The following EXT2 variants were observed in gnomAD, a reference collection of about 807,000 sequenced individuals.
EXT2 encodes the protein exostosin-2.
EXT2 carries 53 observed loss-of-function variants against 81.6 expected under a neutral mutation model. That is an observed-to-expected ratio of 0.65 (90% CI 0.52 to 0.82). EXT2 has a LOEUF of 0.82. EXT2 is among the 40% of genes least tolerant of loss of function. The pLI, the probability that EXT2 is intolerant of heterozygous loss-of-function variation, is 0.00. For missense variants in EXT2, 774 were observed against 910.2 expected (o/e 0.85, Z 1.93); for synonymous variants, 320 against 340.0 (o/e 0.94, Z 0.65).
At chr11:44,157,081 A>G (rs971363683) in intron 7 of EXT2, among the ~76,000 whole-genome samples, 6 of 152,148 alleles carry the variant, frequency 3.9e-5, no homozygotes, top group Admixed American at 3.9e-4. Context: ...TCCCTAACAA[A>G]TGGAGTCTCT....
At chr11:44,214,215 G>A (rs1296139199) in intron 10 of EXT2, among the ~76,000 whole-genome samples, 1 of 152,062 alleles carries the variant, frequency 6.6e-6, no homozygotes, top group African/African-American at 2.4e-5. Context: ...CCGGGTTCAC[G>A]CCATTCTTCT....
intron 7 of EXT2, among the ~76,000 whole-genome samples, chr11:44,149,929 C>T (rs921053398): frequency 6.6e-6 from 1 of 152,090 alleles, no homozygotes; most frequent in Non-Finnish European, 1.5e-5. Context: ...TTAGAACTCC[C>T]CAAAATTAAA....
chr11:44,192,826 A>C (rs534957799), intron 8 of EXT2, among the ~76,000 whole-genome samples: 1 of 152,326 alleles, frequency 6.6e-6, no homozygotes, highest in East Asian at 1.9e-4. Context: ...TCTTCAGAAC[A>C]CAGCACAGTA....
At chr11:44,217,046 C>G (rs1476407118) in intron 10 of EXT2, among the ~76,000 whole-genome samples, 1 of 149,380 alleles carries the variant, frequency 6.7e-6, no homozygotes, top group East Asian at 2.0e-4. Context: ...TGAGGATTAG[C>G]TCTTTACATG....
intron 1 of EXT2, among the ~76,000 whole-genome samples, chr11:44,099,089 CCT>C: frequency 6.6e-6 from 1 of 152,280 alleles, no homozygotes. Flanking sequence ...GCAGCCTCAA[CCT>C]CCCGGGTTCA....
intron 13 of EXT2, among the ~76,000 whole-genome samples, chr11:44,242,878 CCT>C (rs1394480125): frequency 6.6e-6 from 1 of 152,088 alleles, no homozygotes; most frequent in African/African-American, 2.4e-5. Flanking sequence ...TGTTATTTAT[CCT>C]CTCTGTATCT....
intron 7 of EXT2, among the ~76,000 whole-genome samples, chr11:44,138,343 G>T (rs1273055537): frequency 6.6e-6 from 1 of 152,204 alleles, no homozygotes; most frequent in Non-Finnish European, 1.5e-5. Flanking sequence ...CCCTTTCCTT[G>T]TATTTTACAA....
rs776355667 is a variant in EXT2, at chr11:44,197,841, G to A, written c.1318G>A (p.Val440Met). The change falls in exon 9 of 14, where the codon GTG becomes ATG. Residue 440 changes from valine (V) to methionine (M), a missense_variant. Around this residue, in one of 2 missense-constraint regions of EXT2, gnomAD observed 626 missense variants for 670.5 expected, o/e 0.93. Coordinates refer to ENST00000533608, the MANE Select transcript of EXT2 (RefSeq NM_207122.2). The stretch of plus-strand genomic sequence containing the variant: ...TGTCCTCTTGTAGAAGTGGGGCAGC[G>A]TGAGCAATCCACTCTTCCTCCCGCT... ...NDPPAVKWGS[V>M]SNPLFLPLIP... 116 of 1,613,842 alleles carry A rather than the reference G, an allele frequency of 7.2e-5. No individual in the cohort carries two copies. Among genetic ancestry groups the A allele is most frequent in the East Asian group, 4.5e-5 (2 of 44,880 alleles).
intron 6 of EXT2, among the ~76,000 whole-genome samples, chr11:44,127,381 A>T (rs1456839951): frequency 6.6e-6 from 1 of 152,198 alleles, no homozygotes; most frequent in Non-Finnish European, 1.5e-5. Flanking sequence ...AGTGAACATT[A>T]CCATCTGAGC....
intron 8 of EXT2, among the ~76,000 whole-genome samples, chr11:44,185,017 C>T (rs1955291195): frequency 1.3e-5 from 2 of 152,336 alleles, no homozygotes; most frequent in East Asian, 1.9e-4. Context: ...CCCTCACCCA[C>T]ATCACCAAGC....
chr11:44,189,729 A>G (rs1393983247), intron 8 of EXT2, among the ~76,000 whole-genome samples: 1 of 152,256 alleles, frequency 6.6e-6, no homozygotes, highest in Non-Finnish European at 1.5e-5. Flanking sequence ...AGATTTGAGC[A>G]GGAACACAAA....
intron 7 of EXT2, among the ~76,000 whole-genome samples, chr11:44,164,714 A>C (rs1954969481): frequency 6.6e-6 from 1 of 152,184 alleles, no homozygotes; most frequent in Non-Finnish European, 1.5e-5. Flanking sequence ...TTTATAAACA[A>C]AATCACTGTG....
chr11:44,199,747 A>G (rs1472527427), intron 9 of EXT2, among the ~76,000 whole-genome samples: 1 of 152,080 alleles, frequency 6.6e-6, no homozygotes, highest in East Asian at 1.9e-4. Flanking sequence ...TTCTTGATCT[A>G]AGCCTCTACA....
chr11:44,232,250 T>A, intron 10 of EXT2, 103 bp from the exon 11 acceptor site: 1 of 1,464,964 alleles, frequency 6.8e-7, no homozygotes, highest in East Asian at 2.3e-5. Flanking sequence ...TAGGTTATGA[T>A]GGTTTGAACC....
intron 6 of EXT2, among the ~76,000 whole-genome samples, chr11:44,127,294 T>C (rs1954422067): frequency 6.6e-6 from 1 of 152,114 alleles, no homozygotes; most frequent in Admixed American, 6.5e-5. Flanking sequence ...ATCTGGCCTT[T>C]CATCACAGGG....
At chr11:44,125,798 G>A (rs1954394097) in intron 5 of EXT2, among the ~76,000 whole-genome samples, 1 of 152,086 alleles carries the variant, frequency 6.6e-6, no homozygotes, top group South Asian at 2.1e-4. Flanking sequence ...GAGGGCAGGA[G>A]TATTTATAGT....
intron 13 of EXT2, among the ~76,000 whole-genome samples, chr11:44,238,829 A>G (rs546863365): frequency 1.1e-4 from 17 of 152,324 alleles, no homozygotes; most frequent in Non-Finnish European, 1.3e-4. Flanking sequence ...GTTCAACAAG[A>G]AGAAGCCCAA....
intron 13 of EXT2, among the ~76,000 whole-genome samples, chr11:44,238,234 G>T (rs1236777853): frequency 1.3e-5 from 2 of 152,208 alleles, no homozygotes; most frequent in Non-Finnish European, 1.5e-5. Flanking sequence ...TTGCTCTGTT[G>T]TGTGGTGATA....
At chr11:44,138,965 A>C (rs991396183) in intron 7 of EXT2, among the ~76,000 whole-genome samples, 6 of 152,204 alleles carry the variant, frequency 3.9e-5, no homozygotes, top group Non-Finnish European at 8.8e-5. Flanking sequence ...CCTCCAAGGA[A>C]TGCAGAGTGG....
Sources: allele counts gnomAD v4.1 joint callset (sites outside exome capture counted in the v4.1 genomes callset), GRCh38; gene constraint gnomAD v4.1.1; regional missense constraint gnomAD v4.1.1; transcripts MANE v1.5; gene names NCBI Gene and HGNC (gene_info 2026-07-23, HGNC 2026-07-21).